Variants in SLC17A8 observed in about 807,000 individuals in gnomAD.
The protein encoded by SLC17A8 is solute carrier family 17 member 8.
SLC17A8 carries 31 observed loss-of-function variants against 58.0 expected under a neutral mutation model. The observed-to-expected ratio is 0.53, with a 90% CI of 0.40 to 0.72. SLC17A8 has a LOEUF of 0.72. SLC17A8 is among the 30% of genes least tolerant of loss of function. SLC17A8 has a pLI of 0.00. For missense variants in SLC17A8, 655 were observed against 727.8 expected (o/e 0.90, Z 1.15); for synonymous variants, 228 against 249.0 (o/e 0.92, Z 0.79).
At position 100,418,119 on chromosome 12, in the gene SLC17A8, T is replaced by G; in HGVS notation, c.1388T>G (p.Val463Gly). The change falls in exon 11 of 12, where the codon GTC becomes GGC. Residue 463 changes from valine (V) to glycine (G), a missense_variant. Coordinates refer to ENST00000323346, the MANE Select transcript of SLC17A8 (RefSeq NM_139319.3). ...GGAGTGGGAACCCTCTCTGGAATGGTCTGTCCCCTCATTGTCGGTGCAATG... is the reference window on the plus strand; with the variant it reads ...GGAGTGGGAACCCTCTCTGGAATGGGCTGTCCCCTCATTGTCGGTGCAATG... ...SNGVGTLSGM[V>G]CPLIVGAMTR... is the part of the protein sequence containing the mutation. 6.2e-7 allele frequency: 1 copy of G among 1,614,150 alleles called. No homozygotes were observed. Among genetic ancestry groups the G allele is most frequent in the Non-Finnish European group, 8.5e-7 (1 of 1,180,024 alleles).
intron 10 of SLC17A8, among the ~76,000 whole-genome samples, chr12:100,417,508 C>T (rs911466568): frequency 6.6e-6 from 1 of 152,224 alleles, no homozygotes; most frequent in African/African-American, 2.4e-5. Flanking sequence ...TCATAAATTA[C>T]AGAAGGTTCT....
chr12:100,391,236 A>G (rs1397677654), intron 3 of SLC17A8, 117 bp downstream of exon 3: 1 of 744,118 alleles, frequency 1.3e-6, no homozygotes, highest in African/African-American at 1.7e-5. Context: ...AGCCATCTGG[A>G]TAGATGCAAT....
chr12:100,367,833 G>A (rs538571273), intron 1 of SLC17A8, among the ~76,000 whole-genome samples: 6 of 152,294 alleles, frequency 3.9e-5, no homozygotes, highest in African/African-American at 7.2e-5. Context: ...GATTACAGGC[G>A]TGAACCCCTG....
intron 9 of SLC17A8, among the ~76,000 whole-genome samples, chr12:100,412,206 G>A (rs1038546314): frequency 6.6e-6 from 1 of 152,110 alleles, no homozygotes; most frequent in Non-Finnish European, 1.5e-5. Flanking sequence ...GGTGCACCGC[G>A]ATAATGTTAG....
chr12:100,416,623 AT>A (rs1388082448), intron 10 of SLC17A8, among the ~76,000 whole-genome samples: 4 of 152,164 alleles, frequency 2.6e-5, no homozygotes, highest in Non-Finnish European at 5.9e-5. Context: ...CCTTGCTATA[AT>A]TTCAGTAGCT....
At chr12:100,417,705 T>C (rs1241053178) in intron 10 of SLC17A8, among the ~76,000 whole-genome samples, 2 of 152,226 alleles carry the variant, frequency 1.3e-5, no homozygotes, top group Admixed American at 6.5e-5. Context: ...TTATTTACTC[T>C]GAATAAATGT....
chr12:100,369,848 A>G (rs1447924828), intron 1 of SLC17A8, among the ~76,000 whole-genome samples: 1 of 152,172 alleles, frequency 6.6e-6, no homozygotes, highest in African/African-American at 2.4e-5. Flanking sequence ...TACAAAACAT[A>G]TTTTTCTAAT....
intron 1 of SLC17A8, among the ~76,000 whole-genome samples, chr12:100,361,435 G>A (rs558241410): frequency 1.8e-4 from 28 of 152,140 alleles, no homozygotes; most frequent in East Asian, 3.9e-4. Flanking sequence ...TCATTCCCTC[G>A]CTTTCTTCAA....
Position 100,407,184 on chromosome 12 carries a change from A to G in SLC17A8, c.1186+3014A>G, listed in dbSNP as rs117797348. 3.4e-4 allele frequency among the ~76,000 whole-genome samples: 52 copies of G among 152,344 alleles called. 1 individual carries two copies. In the East Asian group the frequency reaches 9.6e-3, roughly 28 times the overall value. On this transcript the variant is annotated intron_variant, in intron 9 of 11. Coordinates refer to ENST00000323346, the MANE Select transcript of SLC17A8 (RefSeq NM_139319.3). ...GACACAAAAAACACAGAAGTTTTTC[A>G]AAGAGTTCTTTAACAAATATCTGTG...
Position 100,419,964 on chromosome 12 carries a change from G to A in SLC17A8, c.1575G>A (p.Gln525=). 8.1e-6 allele frequency: 13 copies of A among 1,614,104 alleles called. No homozygotes were observed. The highest frequency in any genetic ancestry group is 1.6e-4 in the Middle Eastern group (1 of 6,062). The stretch of plus-strand genomic sequence containing the variant: ...AGGAGAAATGTGGAATCATTGACCA[G>A]GACGAATTAGCTGAGGAGATAGAAC... ...LSEEKCGIID[Q]DELAEEIELN... is the part of the protein sequence containing the mutation. The change falls in exon 12 of 12, where the codon CAG becomes CAA. Residue 525 remains glutamine (Q), a synonymous_variant. Coordinates refer to ENST00000323346, the MANE Select transcript of SLC17A8 (RefSeq NM_139319.3).
At chr12:100,380,520 A>G (rs1952627467) in intron 1 of SLC17A8, among the ~76,000 whole-genome samples, 181 bp from the exon 2 acceptor site, 1 of 150,960 alleles carries the variant, frequency 6.6e-6, no homozygotes, top group African/African-American at 2.4e-5. Context: ...TAATAATAAT[A>G]ATAATATTTA....
intron 1 of SLC17A8, among the ~76,000 whole-genome samples, chr12:100,374,064 T>G (rs771995445): frequency 3.5e-4 from 54 of 152,322 alleles, no homozygotes; most frequent in Non-Finnish European, 6.6e-4. Flanking sequence ...TGTTAGTCTT[T>G]GTAGGGTCGG....
chr12:100,410,526 T>C (rs982804218), intron 9 of SLC17A8: 3 of 146,166 alleles, frequency 2.1e-5, no homozygotes, highest in Non-Finnish European at 4.5e-5. Flanking sequence ...CCGGGCGTGG[T>C]GGTGGACTAT....
chr12:100,380,663 C>T, intron 1 of SLC17A8, 38 bp from the exon 2 acceptor site: 2 of 1,611,960 alleles, frequency 1.2e-6, no homozygotes, highest in Non-Finnish European at 1.7e-6. Context: ...TCCTTTAATC[C>T]TGGCTTTTAT....
intron 9 of SLC17A8, among the ~76,000 whole-genome samples, chr12:100,409,066 G>A (rs759041355): frequency 6.6e-6 from 1 of 151,994 alleles, no homozygotes; most frequent in Non-Finnish European, 1.5e-5. Flanking sequence ...CATCATTTAC[G>A]GTAAGTACTT....
chr12:100,371,623 C>T (rs1378599270), intron 1 of SLC17A8, among the ~76,000 whole-genome samples: 1 of 152,120 alleles, frequency 6.6e-6, no homozygotes, highest in Non-Finnish European at 1.5e-5. Flanking sequence ...GTGCAGTTCA[C>T]TGCAACCGCC....
At chr12:100,397,471 T>C (rs1275424026) in intron 5 of SLC17A8, among the ~76,000 whole-genome samples, 1 of 152,216 alleles carries the variant, frequency 6.6e-6, no homozygotes, top group East Asian at 1.9e-4. Flanking sequence ...CTTTAATTCC[T>C]GCATCTCCAA....
At chr12:100,413,820 A>G (rs1188456875) in intron 10 of SLC17A8, among the ~76,000 whole-genome samples, 1 of 152,050 alleles carries the variant, frequency 6.6e-6, no homozygotes, top group Admixed American at 6.6e-5. Flanking sequence ...TACAAAAAAT[A>G]CAAAAAGTTA....
intron 9 of SLC17A8, among the ~76,000 whole-genome samples, chr12:100,412,187 G>A (rs1952873622): frequency 6.6e-6 from 1 of 152,084 alleles, no homozygotes; most frequent in African/African-American, 2.4e-5. Context: ...GGGACCGTGT[G>A]GTGTTCAAGG....
Sources: gnomAD v4.1 joint callset for allele counts (sites outside exome capture counted in the v4.1 genomes callset) on GRCh38, gnomAD v4.1.1 for gene constraint, MANE v1.5 for transcripts, NCBI Gene and HGNC (gene_info 2026-07-23, HGNC 2026-07-21) for gene names.